Variants in MACROD2 observed in about 807,000 individuals in gnomAD.
MACROD2 encodes ADP-ribose glycohydrolase MACROD2.
A neutral mutation model predicts 70.4 loss-of-function variants in MACROD2; 36 were observed. That is an observed-to-expected ratio of 0.51 (90% CI 0.39 to 0.68). The LOEUF (loss-of-function observed/expected upper bound fraction) is 0.68, where lower values mean the gene tolerates loss of function less well. Among genes scored for constraint, MACROD2 ranks in the 30% least tolerant of loss-of-function variants. MACROD2 has a pLI of 0.00. For missense variants in MACROD2, 496 were observed against 538.4 expected, an observed-to-expected ratio of 0.92 and a Z score of 0.78; for synonymous variants, 172 against 178.8, an observed-to-expected ratio of 0.96 and a Z score of 0.30.
intron 7 of MACROD2, among the ~76,000 whole-genome samples, chr20:15,466,605 T>A (rs1401846919): frequency 6.6e-6 from 1 of 152,224 alleles, no homozygotes; most frequent in Non-Finnish European, 1.5e-5. Flanking sequence ...TTCCCTCTAT[T>A]TTTCTATATC....
At chr20:15,984,057 C>T (rs2066440262) in intron 13 of MACROD2, among the ~76,000 whole-genome samples, 1 of 151,842 alleles carries the variant, frequency 6.6e-6, no homozygotes, top group Non-Finnish European at 1.5e-5. Context: ...TTTAATAAAA[C>T]CTTGTAGACA....
At chr20:14,145,178 AG>A (rs1185627436) in intron 3 of MACROD2, among the ~76,000 whole-genome samples, 1 of 152,182 alleles carries the variant, frequency 6.6e-6, no homozygotes, top group African/African-American at 2.4e-5. Context: ...CTAGGCTTAA[AG>A]GGAATTTAAG....
intron 2 of MACROD2, among the ~76,000 whole-genome samples, chr20:14,050,773 A>G (rs571545069): frequency 8.5e-5 from 13 of 152,332 alleles, no homozygotes; most frequent in African/African-American, 3.1e-4. Flanking sequence ...GAAACGAAAA[A>G]TCTGATTGTT....
chr20:15,325,824 C>A (rs540104134), intron 6 of MACROD2, among the ~76,000 whole-genome samples: 7 of 152,242 alleles, frequency 4.6e-5, no homozygotes, highest in African/African-American at 1.7e-4. Context: ...GGGTTTGTAC[C>A]AGTCATACAA....
intron 3 of MACROD2, among the ~76,000 whole-genome samples, chr20:14,255,456 G>A (rs894430549): frequency 4.0e-5 from 6 of 149,594 alleles, no homozygotes; most frequent in African/African-American, 1.2e-4. Flanking sequence ...AACACCGCAT[G>A]TTCTCACTCA....
chr20:14,932,507 T>TACAAACAC (rs2074304856), intron 5 of MACROD2, among the ~76,000 whole-genome samples: 1 of 152,156 alleles, frequency 6.6e-6, no homozygotes, highest in South Asian at 2.1e-4. Context: ...AACACTTCCA[T>TACAAACAC]TTCATGTATA....
At chr20:14,176,346 T>C (rs1384492813) in intron 3 of MACROD2, among the ~76,000 whole-genome samples, 4 of 152,230 alleles carry the variant, frequency 2.6e-5, no homozygotes, top group Non-Finnish European at 5.9e-5. Context: ...GACTTTTTAC[T>C]ACTTAGTTTT....
intron 8 of MACROD2, among the ~76,000 whole-genome samples, chr20:15,540,356 T>G (rs1267909586): frequency 1.3e-5 from 2 of 152,154 alleles, no homozygotes; most frequent in Non-Finnish European, 2.9e-5. Flanking sequence ...AGATTTGCCA[T>G]TTGGAAAGCT....
chr20:14,502,351 GTTCTT>G (rs1389778940), intron 4 of MACROD2, among the ~76,000 whole-genome samples: 1 of 152,180 alleles, frequency 6.6e-6, no homozygotes, highest in Non-Finnish European at 1.5e-5. Flanking sequence ...AATCTGGCCA[GTTCTT>G]GATGGCAACA....
At chr20:15,854,821 T>A (rs773233528) in intron 8 of MACROD2, among the ~76,000 whole-genome samples, 2 of 152,198 alleles carry the variant, frequency 1.3e-5, no homozygotes, top group African/African-American at 2.4e-5. Flanking sequence ...TCACTTATCC[T>A]GGTCCTCCAA....
At chr20:14,599,338 G>T (rs890365932) in intron 4 of MACROD2, among the ~76,000 whole-genome samples, 1 of 152,056 alleles carries the variant, frequency 6.6e-6, no homozygotes, top group Non-Finnish European at 1.5e-5. Flanking sequence ...GTTAGCTTTT[G>T]GTGGGAGATA....
At chr20:14,455,330 A>G (rs1319118144) in intron 3 of MACROD2, among the ~76,000 whole-genome samples, 2 of 151,922 alleles carry the variant, frequency 1.3e-5, no homozygotes, top group African/African-American at 4.9e-5. Flanking sequence ...AGCATGGTTC[A>G]ATTCTTATTT....
At chr20:14,616,601 A>AT (rs1415650114) in intron 4 of MACROD2, among the ~76,000 whole-genome samples, 1 of 152,074 alleles carries the variant, frequency 6.6e-6, no homozygotes, top group Non-Finnish European at 1.5e-5. Flanking sequence ...AAATTAAGTG[A>AT]TTTTTGCGGC....
chr20:16,023,851 A>G (rs963228142), intron 15 of MACROD2, among the ~76,000 whole-genome samples: 4 of 152,140 alleles, frequency 2.6e-5, no homozygotes, highest in Admixed American at 6.5e-5. Flanking sequence ...GCAGTCAGTA[A>G]GCAAATGATT....
chr20:15,148,993 C>T (rs1273518637), intron 5 of MACROD2, among the ~76,000 whole-genome samples: 2 of 151,920 alleles, frequency 1.3e-5, no homozygotes, highest in Non-Finnish European at 2.9e-5. Context: ...TTACGTCTGA[C>T]AGAAGGGAAG....
chr20:15,844,285 C>T (rs568010611), intron 8 of MACROD2, among the ~76,000 whole-genome samples: 1 of 152,026 alleles, frequency 6.6e-6, no homozygotes, highest in African/African-American at 2.4e-5. Flanking sequence ...TATGAACTCC[C>T]TGCAGTCAGG....
At chr20:15,413,220 C>CTT (rs11482719) in intron 6 of MACROD2, among the ~76,000 whole-genome samples, 2 of 149,856 alleles carry the variant, frequency 1.3e-5, no homozygotes, top group Non-Finnish European at 3.0e-5. Context: ...AAATATAAAA[C>CTT]TTTTTTTTTT....
chr20:15,931,151 A>G (rs1483819331), intron 10 of MACROD2, among the ~76,000 whole-genome samples: 1 of 152,230 alleles, frequency 6.6e-6, no homozygotes, highest in Non-Finnish European at 1.5e-5. Flanking sequence ...TTTTTGGCAC[A>G]TGCTCCTGCA....
intron 8 of MACROD2, among the ~76,000 whole-genome samples, chr20:15,708,515 A>C (rs549337225): frequency 6.6e-6 from 1 of 152,292 alleles, no homozygotes; most frequent in East Asian, 1.9e-4. Context: ...GGAGGCGGAA[A>C]CAGAGCAAGT....
Sources: allele counts gnomAD v4.1 joint callset (sites outside exome capture counted in the v4.1 genomes callset), GRCh38; gene constraint gnomAD v4.1.1; transcripts MANE v1.5; gene names NCBI Gene and HGNC (gene_info 2026-07-23, HGNC 2026-07-21).